The following KCND2 variants were observed in gnomAD, a reference collection of about 807,000 sequenced individuals.
The protein encoded by KCND2 is A-type voltage-gated potassium channel KCND2.
KCND2 carries 16 observed loss-of-function variants against 54.4 expected under a neutral mutation model. The ratio of observed to expected loss-of-function variants is 0.29; its 90% CI spans 0.20 to 0.45. The LOEUF (loss-of-function observed/expected upper bound fraction) is 0.45. KCND2 is among the 20% of genes least tolerant of loss of function. The probability of loss-of-function intolerance (pLI) is 1.00; values close to 1 mark genes in which losing one functional copy is unlikely to be tolerated. For synonymous variants in KCND2, 317 were observed against 310.7 expected, an observed-to-expected ratio of 1.02 and a Z score of -0.21; for missense variants, 486 against 824.2, an observed-to-expected ratio of 0.59 and a Z score of 5.02.
intron 1 of KCND2, among the ~76,000 whole-genome samples, chr7:120,488,238 A>G (rs1802723003): frequency 6.6e-6 from 1 of 152,172 alleles, no homozygotes; most frequent in Non-Finnish European, 1.5e-5. Context: ...TATAAAAGGC[A>G]TGAAGTAAAA....
chr7:120,339,127 G>A (rs1198465624), intron 1 of KCND2, among the ~76,000 whole-genome samples: 1 of 150,024 alleles, frequency 6.7e-6, no homozygotes, highest in Non-Finnish European at 1.5e-5. Flanking sequence ...ATCTGACCTC[G>A]TGATCCGCCT....
intron 1 of KCND2, among the ~76,000 whole-genome samples, chr7:120,634,181 T>G (rs1793273866): frequency 6.6e-6 from 1 of 152,176 alleles, no homozygotes; most frequent in African/African-American, 2.4e-5. Flanking sequence ...AGAAACTTGC[T>G]TCAACTCTTT....
intron 1 of KCND2, among the ~76,000 whole-genome samples, chr7:120,427,891 T>C (rs1801735731): frequency 6.6e-6 from 1 of 152,152 alleles, no homozygotes; most frequent in Non-Finnish European, 1.5e-5. Flanking sequence ...TTTGTAGTGA[T>C]AGTATCCTTC....
At chr7:120,603,904 T>C (rs544920021) in intron 1 of KCND2, among the ~76,000 whole-genome samples, 2 of 152,280 alleles carry the variant, frequency 1.3e-5, no homozygotes, top group East Asian at 3.9e-4. Context: ...CTACTTTTTT[T>C]AAATAGTGAA....
chr7:120,703,236 T>C (rs1792425463), intron 1 of KCND2, among the ~76,000 whole-genome samples: 1 of 152,194 alleles, frequency 6.6e-6, no homozygotes, highest in South Asian at 2.1e-4. Flanking sequence ...AATTCCCTGT[T>C]AAATTAACAA....
intron 1 of KCND2, among the ~76,000 whole-genome samples, chr7:120,634,990 C>T (rs957619747): frequency 6.6e-6 from 1 of 152,172 alleles, no homozygotes; most frequent in Non-Finnish European, 1.5e-5. Flanking sequence ...TTCTGTCTTC[C>T]CTTGGTTGAT....
intron 1 of KCND2, chr7:120,464,020 T>TTG: frequency 4.2e-6 from 4 of 961,188 alleles, no homozygotes; most frequent in Non-Finnish European, 4.9e-6. Flanking sequence ...TAGTTTTGTT[T>TTG]TTTTTTTTTT....
intron 1 of KCND2, among the ~76,000 whole-genome samples, chr7:120,724,951 A>G (rs2116117320): frequency 6.6e-6 from 1 of 152,312 alleles, no homozygotes; most frequent in African/African-American, 2.4e-5. Context: ...ATAGTCTTTT[A>G]CTGATGACAT....
chr7:120,590,464 A>T (rs983368313), intron 1 of KCND2, among the ~76,000 whole-genome samples: 4 of 152,218 alleles, frequency 2.6e-5, no homozygotes, highest in African/African-American at 7.2e-5. Flanking sequence ...TAATATTAAT[A>T]AGAAATTGAA....
At chr7:120,462,626 A>G (rs781695213) in intron 1 of KCND2, among the ~76,000 whole-genome samples, 5 of 152,040 alleles carry the variant, frequency 3.3e-5, no homozygotes, top group Non-Finnish European at 7.4e-5. Context: ...AAAATAGTCT[A>G]TAATCTCTGC....
intron 1 of KCND2, among the ~76,000 whole-genome samples, chr7:120,590,379 G>A (rs1273396106): frequency 6.6e-6 from 1 of 152,070 alleles, no homozygotes; most frequent in Non-Finnish European, 1.5e-5. Flanking sequence ...TCATAAAAAA[G>A]ATACAGCTTC....
chr7:120,559,011 G>T (rs1408499636), intron 1 of KCND2, among the ~76,000 whole-genome samples: 1 of 151,560 alleles, frequency 6.6e-6, no homozygotes, highest in African/African-American at 2.4e-5. Flanking sequence ...GTGTGTGTGT[G>T]TGTTTCTGTG....
chr7:120,275,336 C>T lies in KCND2; in HGVS notation c.704C>T (p.Ala235Val), dbSNP rs1398907255. Residue 235 changes from alanine to valine, a missense_variant, in exon 1 of 6, where the codon GCC becomes GTC. Coordinates refer to ENST00000331113, the MANE Select transcript of KCND2 (RefSeq NM_012281.3). ...GTGGCCTTCTTCTGCTTGGACACGG[C>T]CTGCGTCATGATCTTCACAGTTGAG... Reference protein sequence around the residue: ...YAVAFFCLDTACVMIFTVEYL... With the variant: ...YAVAFFCLDTVCVMIFTVEYL... The T allele has an allele frequency of 3.1e-6, 5 of 1,613,660 alleles. No homozygotes were observed. The highest frequency in any genetic ancestry group is 4.2e-6 in the Non-Finnish European group (5 of 1,179,980).
rs1470818522 is a variant in KCND2 at position 120,488,797 on chromosome 7, G to A, written c.1115+213050G>A. Among the ~76,000 whole-genome samples, 6 of 151,780 alleles carry A rather than the reference G, an allele frequency of 4.0e-5. No individual in the cohort carries two copies. The East Asian group carries it at 1.2e-3, about 29-fold the overall frequency. On this transcript the variant is annotated intron_variant, in intron 1 of 5. Transcript: ENST00000331113. ...ATTTAAAAATCTTATTTATTTAAAT[G>A]AAAGTAATATACATGGAAAAACCGA... is the stretch of plus-strand genomic sequence containing the variant.
chr7:120,747,470 A>G (rs1377716157), intron 5 of KCND2, among the ~76,000 whole-genome samples: 1 of 152,130 alleles, frequency 6.6e-6, no homozygotes, highest in Non-Finnish European at 1.5e-5. Flanking sequence ...GATGGAACCA[A>G]GTCAAACTGT....
At chr7:120,479,260 A>G (rs1440053542) in intron 1 of KCND2, among the ~76,000 whole-genome samples, 1 of 152,200 alleles carries the variant, frequency 6.6e-6, no homozygotes, top group African/African-American at 2.4e-5. Flanking sequence ...AGAAAAAAAT[A>G]TAAACATATG....
intron 1 of KCND2, among the ~76,000 whole-genome samples, chr7:120,521,680 G>C (rs1311043322): frequency 6.6e-6 from 1 of 152,110 alleles, no homozygotes; most frequent in African/African-American, 2.4e-5. Context: ...ATATAGGAAA[G>C]ATATTAGAAC....
chr7:120,427,173 C>T (rs1801719868), intron 1 of KCND2, among the ~76,000 whole-genome samples: 1 of 152,188 alleles, frequency 6.6e-6, no homozygotes, highest in South Asian at 2.1e-4. Context: ...TAAGCCAGTG[C>T]TATTTTACTG....
At chr7:120,523,212 GA>G (rs1791721793) in intron 1 of KCND2, among the ~76,000 whole-genome samples, 1 of 152,022 alleles carries the variant, frequency 6.6e-6, no homozygotes, top group Non-Finnish European at 1.5e-5. Flanking sequence ...TCATTTCCTA[GA>G]AGCTAAATGC....
Sources: allele counts gnomAD v4.1 joint callset (sites outside exome capture counted in the v4.1 genomes callset), GRCh38; gene constraint gnomAD v4.1.1; transcripts MANE v1.5; gene names NCBI Gene and HGNC (gene_info 2026-07-23, HGNC 2026-07-21).